KCNMA1: variants seen among roughly 807,000 people sequenced by gnomAD.
The protein encoded by KCNMA1 is Calcium-activated potassium channel subunit alpha-1.
Under a neutral mutation model 140.0 loss-of-function variants are expected in KCNMA1, and 29 were observed. The observed-to-expected ratio is 0.21, with a 90% CI of 0.15 to 0.28. The LOEUF is 0.28. KCNMA1 is among the 10% of genes least tolerant of loss of function. KCNMA1 has a pLI of 1.00. For missense variants in KCNMA1, 880 were observed against 1,602.2 expected (o/e 0.55, Z 7.70); for synonymous variants, 612 against 611.9 (o/e 1.00, Z 0.00).
intron 1 of KCNMA1, among the ~76,000 whole-genome samples, chr10:77,443,420 G>A (rs2097453210): frequency 6.6e-6 from 1 of 152,138 alleles, no homozygotes; most frequent in Non-Finnish European, 1.5e-5. Context: ...TCTTAGGCTG[G>A]GAGTATGGCT....
intron 2 of KCNMA1, among the ~76,000 whole-genome samples, chr10:77,386,035 G>A (rs1320910590): frequency 6.6e-6 from 1 of 152,168 alleles, no homozygotes; most frequent in Non-Finnish European, 1.5e-5. Context: ...ATGTCTCCCC[G>A]AGTTTCCCAC....
At chr10:76,881,074 C>A (rs181233501), downstream of KCNMA1, among the ~76,000 whole-genome samples, 121 of 151,522 alleles carry the variant, frequency 8.0e-4, no homozygotes, top group African/African-American at 2.9e-3. Flanking sequence ...CAAGATAAAA[C>A]TCTGGAAAAC....
chr10:77,357,477 T>C (rs1290841766), intron 2 of KCNMA1, among the ~76,000 whole-genome samples: 1 of 152,236 alleles, frequency 6.6e-6, no homozygotes, highest in African/African-American at 2.4e-5. Flanking sequence ...TAGCCTTGAT[T>C]TCAAAACCTT....
chr10:77,243,739 G>T (rs2057891128), intron 3 of KCNMA1, among the ~76,000 whole-genome samples: 1 of 152,172 alleles, frequency 6.6e-6, no homozygotes, highest in Non-Finnish European at 1.5e-5. Context: ...AATGTGTTCA[G>T]CTCTTCAATG....
At chr10:77,111,681 TC>T (rs1422935237) in intron 7 of KCNMA1, among the ~76,000 whole-genome samples, 2 of 152,128 alleles carry the variant, frequency 1.3e-5, no homozygotes, top group Non-Finnish European at 2.9e-5. Flanking sequence ...CGTCCTTCTA[TC>T]CCTTATGCAA....
intron 1 of KCNMA1, among the ~76,000 whole-genome samples, chr10:77,442,065 G>A (rs1163274113): frequency 1.3e-5 from 2 of 152,100 alleles, no homozygotes; most frequent in Non-Finnish European, 1.5e-5. Context: ...AGTCAGGGTG[G>A]GTTTTAGGAA....
chr10:77,298,535 C>T (rs2075796596), intron 2 of KCNMA1, among the ~76,000 whole-genome samples: 1 of 152,132 alleles, frequency 6.6e-6, no homozygotes, highest in Admixed American at 6.5e-5. Context: ...AGCCACCGTG[C>T]CCAAACTTGC....
intron 2 of KCNMA1, among the ~76,000 whole-genome samples, chr10:77,299,820 A>C (rs992900549): frequency 6.6e-6 from 1 of 152,138 alleles, no homozygotes; most frequent in South Asian, 2.1e-4. Context: ...TTTGTCCTAA[A>C]GGCATAGCAT....
intron 5 of KCNMA1, among the ~76,000 whole-genome samples, chr10:77,137,348 G>A (rs138198662): frequency 4.5e-4 from 69 of 152,212 alleles, no homozygotes; most frequent in East Asian, 3.7e-3. Flanking sequence ...AACGTCTGTC[G>A]TTTCCAATCT....
At chr10:77,017,673 A>T (rs1172392718) in intron 17 of KCNMA1, among the ~76,000 whole-genome samples, 1 of 152,170 alleles carries the variant, frequency 6.6e-6, no homozygotes, top group Non-Finnish European at 1.5e-5. Context: ...AGAGGACCCT[A>T]AGTATCCACG....
intron 9 of KCNMA1, among the ~76,000 whole-genome samples, chr10:77,098,314 TAC>T (rs1186460441): frequency 6.6e-6 from 1 of 152,166 alleles, no homozygotes; most frequent in Non-Finnish European, 1.5e-5. Flanking sequence ...CCAAATTAAA[TAC>T]AGTCTCCCAA....
At chr10:77,539,673 C>G (rs1485358468) in intron 1 of KCNMA1, among the ~76,000 whole-genome samples, 3 of 152,226 alleles carry the variant, frequency 2.0e-5, no homozygotes, top group Non-Finnish European at 4.4e-5. Context: ...ATTTTCTGTT[C>G]TGTGCTCAGT....
At position 77,073,258 on chromosome 10, in the gene KCNMA1, G is replaced by A. The variant is rs1373150494; in HGVS notation, c.1594-6C>T. 1.2e-6 allele frequency: 2 copies of A among 1,613,990 alleles called. No homozygotes were observed. Among genetic ancestry groups the A allele is most frequent in the South Asian group, 1.1e-5 (1 of 91,064 alleles). ...GGGATGTTTAGCAGATGGGCCTGGG[G>A]AAAGAAAAGCAGGTATGAGACCTTG... On this transcript the variant is annotated splice_region_variant and splice_polypyrimidine_tract_variant and intron_variant, in intron 13 of 27. Transcript: ENST00000286628.
chr10:77,590,648 C>T (rs1020911687), intron 1 of KCNMA1, among the ~76,000 whole-genome samples: 3 of 152,266 alleles, frequency 2.0e-5, no homozygotes, highest in African/African-American at 7.2e-5. Context: ...AGTGCAGCAG[C>T]GGTCTGAAGG....
chr10:77,279,327 C>T (rs16934441), intron 2 of KCNMA1, among the ~76,000 whole-genome samples: 1,683 of 152,208 alleles, frequency 0.011, 30 homozygotes, highest in African/African-American at 0.038. Context: ...GCTGAAAACA[C>T]GTAAGCCCAT....
chr10:77,254,329 A>C (rs1600147011), intron 2 of KCNMA1, among the ~76,000 whole-genome samples: 3 of 149,900 alleles, frequency 2.0e-5, no homozygotes, highest in Non-Finnish European at 4.4e-5. Flanking sequence ...TCAAGCAATT[A>C]TCTTGCCTCA....
chr10:76,956,172 T>A (rs1451143199), intron 20 of KCNMA1, among the ~76,000 whole-genome samples: 2 of 152,172 alleles, frequency 1.3e-5, no homozygotes, highest in Admixed American at 6.5e-5. Context: ...CAGACGTTGT[T>A]AACAGTGGCC....
At chr10:77,498,899 G>T (rs550066248) in intron 1 of KCNMA1, 1 of 152,288 alleles carries the variant, frequency 6.6e-6, no homozygotes, top group East Asian at 1.9e-4. Flanking sequence ...CTGTGAAACT[G>T]GCTGGACCTG....
intron 1 of KCNMA1, among the ~76,000 whole-genome samples, chr10:77,543,922 A>G (rs2060789140): frequency 6.6e-6 from 1 of 152,144 alleles, no homozygotes. Context: ...GAAAGCAATG[A>G]CTCCATCTTC....
Sources: gnomAD v4.1 joint callset for allele counts (sites outside exome capture counted in the v4.1 genomes callset) on GRCh38, gnomAD v4.1.1 for gene constraint, MANE v1.5 for transcripts, NCBI Gene and HGNC (gene_info 2026-07-23, HGNC 2026-07-21) for gene names.